IQCK: variants seen among roughly 807,000 people sequenced by gnomAD.
IQCK encodes IQ domain-containing protein K.
IQCK carries 29 observed loss-of-function variants against 28.1 expected under a neutral mutation model. The observed-to-expected ratio is 1.03, with a 90% CI of 0.77 to 1.41. The LOEUF is 1.41. Among genes scored for constraint, IQCK ranks in the 40% most tolerant of loss-of-function variants. The probability of loss-of-function intolerance (pLI) is 0.00; values close to 1 mark genes in which losing one functional copy is unlikely to be tolerated. For synonymous variants in IQCK, 113 were observed against 115.1 expected, an observed-to-expected ratio of 0.98 and a Z score of 0.12; for missense variants, 359 against 314.7, an observed-to-expected ratio of 1.14 and a Z score of -1.07.
chr16:19,718,524 G>A lies in IQCK; in HGVS notation c.181+37G>A, dbSNP rs1043587558. The A allele has an allele frequency of 2.0e-6, 3 of 1,519,436 alleles. No individual in the cohort carries two copies. In the Admixed American group the frequency reaches 6.8e-5, roughly 35 times the overall value. 94.1% of individuals were successfully genotyped at this position (1,519,436 alleles called of 1,614,324 possible). On this transcript the variant is annotated intron_variant, in intron 1 of 7. Coordinates refer to ENST00000564186, the Ensembl canonical transcript of IQCK. The stretch of plus-strand genomic sequence containing the variant: ...GGGCTGGCCGAGAGGGGCGGGACCC[G>A]GGCGGCCGGACGGGGGCCGCGTTTG...
chr16:19,809,926 C>T (rs2055881422), intron 7 of IQCK, among the ~76,000 whole-genome samples: 1 of 152,144 alleles, frequency 6.6e-6, no homozygotes, highest in African/African-American at 2.4e-5. Flanking sequence ...AGTTAAGTGT[C>T]CACACGTGAG....
At chr16:19,745,990 C>T (rs947618630) in intron 4 of IQCK, among the ~76,000 whole-genome samples, 25 of 152,100 alleles carry the variant, frequency 1.6e-4, no homozygotes, top group African/African-American at 5.8e-4. Flanking sequence ...ACATGACTTC[C>T]ACCAAGTTCT....
intron 4 of IQCK, among the ~76,000 whole-genome samples, chr16:19,746,226 TA>T (rs2054910972): frequency 6.6e-6 from 1 of 151,076 alleles, no homozygotes; most frequent in Non-Finnish European, 1.5e-5. Context: ...GGGTACGTCG[TA>T]GATATATATA....
chr16:19,731,932 A>C (rs964012170), intron 2 of IQCK, among the ~76,000 whole-genome samples: 1 of 152,290 alleles, frequency 6.6e-6, no homozygotes, highest in Middle Eastern at 3.4e-3. Context: ...GTTACATGGA[A>C]ATCTAGCTGG....
intron 9 of IQCK, among the ~76,000 whole-genome samples, chr16:19,851,834 T>C (rs1358440544): frequency 6.6e-6 from 1 of 152,170 alleles, no homozygotes; most frequent in East Asian, 1.9e-4. Flanking sequence ...CCTGGCTTAC[T>C]TCTTCTCTCC....
intron 4 of IQCK, among the ~76,000 whole-genome samples, chr16:19,748,224 G>A (rs1200535175): frequency 6.6e-6 from 1 of 151,944 alleles, no homozygotes; most frequent in African/African-American, 2.4e-5. Context: ...ACAGGTGTGT[G>A]CCACCAGTCC....
chr16:19,785,378 AT>A (rs1434297330), intron 6 of IQCK, among the ~76,000 whole-genome samples: 2 of 152,172 alleles, frequency 1.3e-5, no homozygotes, highest in Non-Finnish European at 2.9e-5. Flanking sequence ...AAGCAGACAC[AT>A]TTGAGGAGCT....
intron 6 of IQCK, among the ~76,000 whole-genome samples, chr16:19,782,760 G>T (rs1237349275): frequency 1.3e-5 from 2 of 152,066 alleles, no homozygotes; most frequent in East Asian, 1.9e-4. Flanking sequence ...CTCTCTAATT[G>T]TCTTTGAACT....
chr16:19,827,112 T>A, exon 8 of IQCK: 1 of 1,613,792 alleles, frequency 6.2e-7, no homozygotes, highest in Non-Finnish European at 8.5e-7. Context: ...AAGTCAAAAT[T>A]TTCTGGGCCA....
At chr16:19,809,802 GA>G (rs1358261602) in intron 7 of IQCK, among the ~76,000 whole-genome samples, 2 of 152,208 alleles carry the variant, frequency 1.3e-5, no homozygotes, top group Middle Eastern at 3.2e-3. Flanking sequence ...CCCACCCCCA[GA>G]AAACTGGAGT....
At chr16:19,829,987 G>A (rs1384075745), downstream of IQCK, among the ~76,000 whole-genome samples, 1 of 151,878 alleles carries the variant, frequency 6.6e-6, no homozygotes, top group Non-Finnish European at 1.5e-5. Context: ...CTGGCACAAA[G>A]TGAGCACCAG....
At chr16:19,783,778 G>A (rs1383202263) in intron 6 of IQCK, among the ~76,000 whole-genome samples, 4 of 152,118 alleles carry the variant, frequency 2.6e-5, no homozygotes, top group African/African-American at 7.2e-5. Flanking sequence ...ATGAAAGCAG[G>A]GATGTCACTA....
chr16:19,844,841 C>A (rs1262452188), intron 9 of IQCK, among the ~76,000 whole-genome samples: 1 of 152,126 alleles, frequency 6.6e-6, no homozygotes, highest in Non-Finnish European at 1.5e-5. Context: ...CAGGGTCTTG[C>A]TGTGTCCCCC....
chr16:19,808,798 C>T (rs1248973132), intron 7 of IQCK, among the ~76,000 whole-genome samples: 1 of 152,226 alleles, frequency 6.6e-6, no homozygotes, highest in Admixed American at 6.5e-5. Flanking sequence ...GAAGCCAGGC[C>T]TGCATGTGAG....
chr16:19,844,497 C>T (rs553135454), intron 9 of IQCK, among the ~76,000 whole-genome samples: 1 of 152,148 alleles, frequency 6.6e-6, no homozygotes, highest in African/African-American at 2.4e-5. Flanking sequence ...GACCCGGTGG[C>T]AGTAAGAACA....
At chr16:19,719,322 G>A (rs934537337) in intron 1 of IQCK, among the ~76,000 whole-genome samples, 1 of 152,022 alleles carries the variant, frequency 6.6e-6, no homozygotes, top group African/African-American at 2.4e-5. Context: ...TCCTCCACTA[G>A]ACCATAAGCT....
chr16:19,825,553 C>G lies in IQCK; in HGVS notation c.691-1473C>G, dbSNP rs1297329777. On this transcript the variant is annotated intron_variant, in intron 7 of 7. Coordinates refer to ENST00000564186, the Ensembl canonical transcript of IQCK. The surrounding 1 kb of genome is among the most constrained non-coding windows in gnomAD (Gnocchi z 4.2). ...AAAAAATGTAAAATATTTGGCCAGG[C>G]ACAGTGGCTCTCACCTGTAATCCCA... 6.6e-6 allele frequency among the ~76,000 whole-genome samples: 1 copy of G among 150,960 alleles called. No homozygotes were observed. The highest frequency in any genetic ancestry group is 1.5e-5 in the Non-Finnish European group (1 of 67,808).
At chr16:19,763,978 G>A (rs2055190687) in intron 5 of IQCK, 57 bp from the exon 6 acceptor site, 2 of 1,595,886 alleles carry the variant, frequency 1.3e-6, no homozygotes, top group East Asian at 4.5e-5. Context: ...AGCAACAACT[G>A]ACTTGAATTC....
intron 4 of IQCK, among the ~76,000 whole-genome samples, chr16:19,758,234 T>G (rs2055080439): frequency 6.6e-6 from 1 of 152,172 alleles, no homozygotes; most frequent in Non-Finnish European, 1.5e-5. Flanking sequence ...CTTTTCCTTC[T>G]CTCTTTCAGC....
Sources: allele counts gnomAD v4.1 joint callset (sites outside exome capture counted in the v4.1 genomes callset), GRCh38; gene constraint gnomAD v4.1.1; non-coding constraint Gnocchi (gnomAD v3.1); transcripts MANE v1.5; gene names NCBI Gene and HGNC (gene_info 2026-07-23, HGNC 2026-07-21).